YWHAB: variants seen among roughly 807,000 people sequenced by gnomAD.
YWHAB encodes the protein tyrosine 3-monooxygenase/tryptophan 5-monooxygenase activation protein beta.
Under a neutral mutation model 28.5 loss-of-function variants are expected in YWHAB, and 2 were observed. That is an observed-to-expected ratio of 0.07 (90% confidence interval 0.03 to 0.22). The LOEUF is 0.22. Among genes scored for constraint, YWHAB ranks in the 10% least tolerant of loss-of-function variants. The probability of loss-of-function intolerance (pLI) is 1.00; values close to 1 mark genes in which losing one functional copy is unlikely to be tolerated. For synonymous variants in YWHAB, 103 were observed against 104.7 expected (o/e 0.98, Z 0.10); for missense variants, 148 against 297.1 (o/e 0.50, Z 3.69).
chr20:44,890,603 C>T (rs570661208), intron 1 of YWHAB, among the ~76,000 whole-genome samples: 2 of 151,046 alleles, frequency 1.3e-5, no homozygotes, highest in South Asian at 2.1e-4. Context: ...CTCTGAAGCC[C>T]GGGTTCAAGC....
At chr20:44,903,259 A>G (rs1278279531) in intron 2 of YWHAB, 4 of 212,842 alleles carry the variant, frequency 1.9e-5, no homozygotes, top group Non-Finnish European at 3.3e-5. Flanking sequence ...GAAGATGGCT[A>G]TACCCTAGAA....
At chr20:44,893,085 G>C (rs1465228108) in intron 1 of YWHAB, among the ~76,000 whole-genome samples, 1 of 152,080 alleles carries the variant, frequency 6.6e-6, no homozygotes, top group Non-Finnish European at 1.5e-5. Context: ...AAATGGATTA[G>C]CAGTAGGTAG....
chr20:44,901,065 C>T (rs1257390840), intron 1 of YWHAB, among the ~76,000 whole-genome samples: 4 of 152,192 alleles, frequency 2.6e-5, no homozygotes, highest in Non-Finnish European at 5.9e-5. Flanking sequence ...TGAGCCACTG[C>T]ACCCGGCTAG....
chr20:44,901,519 C>G lies in YWHAB; in HGVS notation c.-3-12C>G. The G allele has an allele frequency of 6.4e-6, 10 of 1,568,720 alleles. No individual in the cohort carries two copies. The highest frequency in any genetic ancestry group is 2.3e-5 in the East Asian group (1 of 44,028). ...ACATTTGCTCTTTCTTTTTCTCTTG[C>G]TCTTGTTCTAGGGAATGACAATGGA... On this transcript the variant is annotated splice_polypyrimidine_tract_variant and intron_variant, in intron 1 of 5. Transcript: ENST00000353703.
In YWHAB at chr20:44,906,660, T is replaced by A. The variant is rs1261332255; in HGVS notation, c.*222T>A. 3 of 369,036 alleles carry A rather than the reference T, an allele frequency of 8.1e-6. No individual in the cohort carries two copies. The highest frequency in any genetic ancestry group is 1.5e-5 in the Non-Finnish European group (3 of 199,040). 22.9% of individuals were successfully genotyped at this position (369,036 alleles called of 1,614,324 possible). A position where few individuals can be genotyped will look rare whatever the true frequency, so the allele number is the denominator to read the frequency against. Reference sequence around the variant, plus strand: ...TGCCACGGCATTCCGAAGTTTTGATTTTGATTAACATTGACAGGATTACTG... The same window carrying A: ...TGCCACGGCATTCCGAAGTTTTGATATTGATTAACATTGACAGGATTACTG... On this transcript the variant is annotated 3_prime_UTR_variant, in exon 6 of 6. Coordinates refer to ENST00000353703, the MANE Select transcript of YWHAB (RefSeq NM_139323.4).
intron 1 of YWHAB, chr20:44,886,444 T>G (rs964558020): frequency 2.6e-5 from 4 of 152,200 alleles, no homozygotes; most frequent in African/African-American, 9.7e-5. Context: ...CTTCACTGGT[T>G]ATGGAGCCTG....
Position 44,885,775 on chromosome 20 carries a change from C to A in YWHAB, c.-115C>A. On this transcript the variant is annotated 5_prime_UTR_variant, in exon 1 of 6. Coordinates refer to ENST00000353703, the MANE Select transcript of YWHAB (RefSeq NM_139323.4). The stretch of plus-strand genomic sequence containing the variant: ...GTAGTCGCCGCCGCCGCCGCCGCTG[C>A]AGCCACTGCAGGCACCGCTGCCGCC... 1 of 181,836 alleles carries A rather than the reference C, an allele frequency of 5.5e-6. No individual in the cohort carries two copies. Among genetic ancestry groups the A allele is most frequent in the Non-Finnish European group, 1.1e-5 (1 of 88,614 alleles). The allele number at this position is 181,836 out of a possible 1,614,324, so 11.3% of individuals were successfully genotyped here.
At chr20:44,894,263 C>T (rs1418280270) in intron 1 of YWHAB, among the ~76,000 whole-genome samples, 2 of 152,196 alleles carry the variant, frequency 1.3e-5, no homozygotes. Flanking sequence ...TTTGTGGCCT[C>T]TAATGAGTTT....
rs573702386 is a variant in YWHAB, at chr20:44,906,116, G to A, written c.684+20G>A. 5.7e-6 allele frequency: 9 copies of A among 1,575,656 alleles called. No individual in the cohort carries two copies. In the South Asian group the frequency reaches 8.9e-5, roughly 16 times the overall value. On this transcript the variant is annotated intron_variant, in intron 5 of 5. Coordinates refer to ENST00000353703, the MANE Select transcript of YWHAB (RefSeq NM_139323.4). Reference sequence around the variant, plus strand: ...CTCACTGTAAGTACTACTTCCACAGGGTTTATAGTCTCTTTCCTATTCACC... The same window carrying A: ...CTCACTGTAAGTACTACTTCCACAGAGTTTATAGTCTCTTTCCTATTCACC...
intron 1 of YWHAB, among the ~76,000 whole-genome samples, chr20:44,896,152 A>G (rs1251787321): frequency 1.3e-5 from 2 of 152,256 alleles, no homozygotes; most frequent in African/African-American, 4.8e-5. Context: ...ATAGAATATA[A>G]GCCACATGTA....
In YWHAB at chr20:44,904,521, T is replaced by TA. The variant is rs1394519491; in HGVS notation, c.424+406dup. On this transcript the variant is annotated intron_variant, in intron 3 of 5. Transcript: ENST00000353703. Reference sequence around the variant, plus strand: ...GTGCCAAGTACTTCCGAGTCTCACTTACTCTTCACACAGCCTTACGAGTTA... The same window carrying TA: ...GTGCCAAGTACTTCCGAGTCTCACTTAACTCTTCACACAGCCTTACGAGTTA... Among the ~76,000 whole-genome samples the TA allele has an allele frequency of 2.0e-5, 3 of 152,310 alleles. No homozygotes were observed. In the South Asian group the frequency reaches 6.2e-4, roughly 32 times the overall value.
At position 44,906,946 on chromosome 20, in the gene YWHAB, G is replaced by C. The variant is rs780457399; in HGVS notation, c.*508G>C. The C allele has an allele frequency of 6.5e-6, 1 of 153,076 alleles. No homozygotes were observed. The highest frequency in any genetic ancestry group is 2.4e-5 in the African/African-American group (1 of 41,436). 9.5% of individuals were successfully genotyped at this position (153,076 alleles called of 1,614,324 possible). On this transcript the variant is annotated 3_prime_UTR_variant, in exon 6 of 6. Transcript: ENST00000353703. ...AATGGTAATTCACAGTAATGCTGCC[G>C]TTGTTCGGGACTTAAAGACACTTGA...
At chr20:44,904,767 C>T (rs929830031) in intron 3 of YWHAB, among the ~76,000 whole-genome samples, 1 of 152,130 alleles carries the variant, frequency 6.6e-6, no homozygotes, top group Non-Finnish European at 1.5e-5. Context: ...TAATTGTTTT[C>T]CCCCAAAGCA....
chr20:44,901,462 A>T (rs565413751), intron 1 of YWHAB, 69 bp from the exon 2 acceptor site: 1 of 1,467,540 alleles, frequency 6.8e-7, no homozygotes. Context: ...TTGGAAGAAG[A>T]TTCACACACG....
chr20:44,905,353 G>C, intron 4 of YWHAB: 1 of 427,490 alleles, frequency 2.3e-6, no homozygotes, highest in Non-Finnish European at 4.1e-6. Context: ...GCGGGTGGTT[G>C]TAGAAAGTTC....
chr20:44,906,502 G>GA lies in YWHAB; in HGVS notation c.*65dup, dbSNP rs2066656994. The GA allele has an allele frequency of 3.4e-6, 2 of 583,234 alleles. No homozygotes were observed. The highest frequency in any genetic ancestry group is 4.8e-5 in the East Asian group (1 of 20,870). The allele number at this position is 583,234 out of a possible 1,614,324, so 36.1% of individuals were successfully genotyped here. ...TACCCTCAACATATATCCCTTGTGC[G>GA]ATAAAAAAAAAAAAAAAAAAAAAAA... On this transcript the variant is annotated 3_prime_UTR_variant, in exon 6 of 6. Coordinates refer to ENST00000353703, the MANE Select transcript of YWHAB (RefSeq NM_139323.4).
intron 2 of YWHAB, chr20:44,903,277 C>A (rs1357930332): frequency 5.7e-6 from 1 of 174,514 alleles, no homozygotes; most frequent in African/African-American, 2.4e-5. Flanking sequence ...GAAGATGACC[C>A]TTCGTATAGC....
At position 44,907,612 on chromosome 20, in the gene YWHAB, T is replaced by C. The variant is rs1191699463; in HGVS notation, c.*1174T>C. On this transcript the variant is annotated 3_prime_UTR_variant, in exon 6 of 6. Transcript: ENST00000353703. Reference sequence around the variant, plus strand: ...CCTTTTTGACTGTTGACCTTGGTTTTCTCTTCTAAGTTTCTGTCCCTCTGC... The same window carrying C: ...CCTTTTTGACTGTTGACCTTGGTTTCCTCTTCTAAGTTTCTGTCCCTCTGC... 1 of 152,188 alleles carries C rather than the reference T, an allele frequency of 6.6e-6. No homozygotes were observed. Among genetic ancestry groups the C allele is most frequent in the African/African-American group, 2.4e-5 (1 of 41,398 alleles). 9.4% of individuals were successfully genotyped at this position (152,188 alleles called of 1,614,324 possible). A position where few individuals can be genotyped will look rare whatever the true frequency, so the allele number is the denominator to read the frequency against.
intron 2 of YWHAB, chr20:44,902,227 T>G (rs1200249469): frequency 1.2e-5 from 2 of 160,384 alleles, no homozygotes; most frequent in African/African-American, 4.8e-5. Flanking sequence ...CTGAGCTGCC[T>G]TTCAGCCTCT....
Sources: allele counts gnomAD v4.1 joint callset (sites outside exome capture counted in the v4.1 genomes callset), GRCh38; gene constraint gnomAD v4.1.1; transcripts MANE v1.5; gene names NCBI Gene and HGNC (gene_info 2026-07-23, HGNC 2026-07-21).